The following SLC2A9 variants were observed in gnomAD, a reference collection of about 807,000 sequenced individuals.
SLC2A9 encodes solute carrier family 2 member 9.
SLC2A9 carries 39 observed loss-of-function variants against 50.6 expected under a neutral mutation model. The ratio of observed to expected loss-of-function variants is 0.77; its 90% CI spans 0.60 to 1.01. SLC2A9 has a LOEUF of 1.01. SLC2A9 is among the 50% of genes least tolerant of loss of function. The pLI is 0.00. For synonymous variants in SLC2A9, 324 were observed against 276.9 expected (o/e 1.17, Z -1.69); for missense variants, 686 against 677.6 (o/e 1.01, Z -0.14).
intron 10 of SLC2A9, chr4:9,879,902 G>T (rs1398492465): frequency 2.0e-6 from 2 of 985,422 alleles, no homozygotes; most frequent in East Asian, 1.1e-4. Context: ...GCAGGAAACT[G>T]CCTCTCTTGT....
At chr4:9,812,564 A>T (rs1248200438) in intron 3 of SLC2A9, among the ~76,000 whole-genome samples, 1 of 152,142 alleles carries the variant, frequency 6.6e-6, no homozygotes, top group Non-Finnish European at 1.5e-5. Flanking sequence ...ATCACTAAAA[A>T]TATCTGTCTT....
chr4:9,833,330 T>C (rs1245000844), intron 11 of SLC2A9, among the ~76,000 whole-genome samples: 1 of 152,016 alleles, frequency 6.6e-6, no homozygotes, highest in Non-Finnish European at 1.5e-5. Flanking sequence ...AGTTACAGGG[T>C]GTGGCAGCCT....
upstream of SLC2A9, chr4:10,040,269 G>C (rs921282255): frequency 6.6e-6 from 1 of 152,218 alleles, no homozygotes; most frequent in African/African-American, 2.4e-5. Flanking sequence ...CAGGAACTGA[G>C]TGAATAAATG....
In SLC2A9 at chr4:9,964,382, C is replaced by T. The variant is rs563605953; in HGVS notation, c.681+16210G>A. Among the ~76,000 whole-genome samples, 14 of 152,286 alleles carry T rather than the reference C, an allele frequency of 9.2e-5. No individual in the cohort carries two copies. The South Asian group carries it at 2.9e-3, about 32-fold the overall frequency. On this transcript the variant is annotated intron_variant, in intron 5 of 11. Coordinates refer to ENST00000264784, the MANE Select transcript of SLC2A9 (RefSeq NM_020041.3). ...TAACCTGTGAGGGACTCTGAAGTGGCAGGAAGAATGCAAAGGTGACAACCT... is the reference window on the plus strand; with the variant it reads ...TAACCTGTGAGGGACTCTGAAGTGGTAGGAAGAATGCAAAGGTGACAACCT...
chr4:10,032,777 T>A (rs1763976624), intron 1 of SLC2A9, among the ~76,000 whole-genome samples: 1 of 152,162 alleles, frequency 6.6e-6, no homozygotes, highest in African/African-American at 2.4e-5. Flanking sequence ...CAGGTGACGT[T>A]TATCCTCTTT....
intron 6 of SLC2A9, among the ~76,000 whole-genome samples, chr4:9,940,437 T>C (rs150632395): frequency 4.8e-4 from 73 of 152,250 alleles, no homozygotes; most frequent in Non-Finnish European, 9.3e-4. Context: ...GGTTTAAGAT[T>C]GGGGGTGGGA....
chr4:9,946,096 G>A (rs1749092610), intron 5 of SLC2A9, among the ~76,000 whole-genome samples: 1 of 152,158 alleles, frequency 6.6e-6, no homozygotes, highest in African/African-American at 2.4e-5. Context: ...GCTGGGTTTG[G>A]TAAAGCCCTA....
chr4:9,890,455 T>C (rs1441795577), intron 9 of SLC2A9, among the ~76,000 whole-genome samples, 155 bp downstream of exon 9: 2 of 152,126 alleles, frequency 1.3e-5, no homozygotes. Context: ...ACTGAGACCC[T>C]CAGCAGCTCC....
intron 8 of SLC2A9, among the ~76,000 whole-genome samples, chr4:9,901,795 G>A (rs747360436): frequency 6.6e-6 from 1 of 152,156 alleles, no homozygotes; most frequent in Non-Finnish European, 1.5e-5. Flanking sequence ...AGACCCATTG[G>A]CTCAAATCAA....
intron 6 of SLC2A9, among the ~76,000 whole-genome samples, chr4:9,936,336 G>A (rs1241656451): frequency 6.6e-6 from 1 of 152,164 alleles, no homozygotes; most frequent in Non-Finnish European, 1.5e-5. Flanking sequence ...CTGAGCCTTT[G>A]AGATAACGGG....
At chr4:9,956,990 G>A (rs79996818) in intron 5 of SLC2A9, among the ~76,000 whole-genome samples, 5,000 of 152,178 alleles carry the variant, frequency 0.033, 268 homozygotes, top group African/African-American at 0.11. Flanking sequence ...GAAGGGAAGT[G>A]AAGACATTTG....
chr4:9,992,960 C>A (rs1757970638), intron 3 of SLC2A9, among the ~76,000 whole-genome samples: 1 of 152,202 alleles, frequency 6.6e-6, no homozygotes, highest in Non-Finnish European at 1.5e-5. Flanking sequence ...CCTCTTGTAT[C>A]TCTACCATCC....
chr4:9,971,664 AT>A (rs1375873717), intron 5 of SLC2A9, among the ~76,000 whole-genome samples: 4 of 152,208 alleles, frequency 2.6e-5, no homozygotes, highest in Non-Finnish European at 5.9e-5. Context: ...TTAACCAGTG[AT>A]TTTTTTAAAA....
At chr4:9,960,565 A>G (rs1752105864) in intron 5 of SLC2A9, among the ~76,000 whole-genome samples, 2 of 152,266 alleles carry the variant, frequency 1.3e-5, no homozygotes, top group South Asian at 4.1e-4. Flanking sequence ...AGGCACCCAC[A>G]GCATGTGAAA....
intron 3 of SLC2A9, among the ~76,000 whole-genome samples, chr4:9,816,602 G>T (rs1723630882): frequency 6.6e-6 from 1 of 152,116 alleles, no homozygotes; most frequent in Non-Finnish European, 1.5e-5. Context: ...GCTTGATTGT[G>T]GTGATGGTTT....
chr4:9,934,495 T>C (rs1746704632), intron 6 of SLC2A9, among the ~76,000 whole-genome samples: 1 of 152,196 alleles, frequency 6.6e-6, no homozygotes, highest in Non-Finnish European at 1.5e-5. Flanking sequence ...TTGGAGGAAG[T>C]TTCCATCCTG....
intron 2 of SLC2A9, among the ~76,000 whole-genome samples, chr4:10,005,987 C>A (rs1760715780): frequency 6.6e-6 from 1 of 152,178 alleles, no homozygotes; most frequent in Non-Finnish European, 1.5e-5. Context: ...GAAGATACAG[C>A]ACAGTGCTGG....
At chr4:9,956,327 C>CAA (rs573102982) in intron 5 of SLC2A9, among the ~76,000 whole-genome samples, 1 of 150,270 alleles carries the variant, frequency 6.7e-6, no homozygotes, top group African/African-American at 2.4e-5. Flanking sequence ...ACTAAAAATA[C>CAA]AAAAAAAAAT....
intron 5 of SLC2A9, among the ~76,000 whole-genome samples, chr4:9,954,616 G>C (rs750710335): frequency 3.3e-5 from 5 of 152,134 alleles, no homozygotes; most frequent in Non-Finnish European, 7.4e-5. Flanking sequence ...GGGTGAGTGG[G>C]TGTCTACAGA....
Sources: gnomAD v4.1 joint callset for allele counts (sites outside exome capture counted in the v4.1 genomes callset) on GRCh38, gnomAD v4.1.1 for gene constraint, MANE v1.5 for transcripts, NCBI Gene and HGNC (gene_info 2026-07-23, HGNC 2026-07-21) for gene names.